The following TMEM178B variants were observed in gnomAD, a reference collection of about 807,000 sequenced individuals.
TMEM178B encodes the protein transmembrane protein 178B.
In TMEM178B, 5 loss-of-function variants were observed where a neutral mutation model predicts 31.0. That is an observed-to-expected ratio of 0.16 (90% CI 0.08 to 0.34). TMEM178B has a LOEUF of 0.34. Ranked by LOEUF, TMEM178B falls within the 10% of genes least tolerant of loss-of-function variation. The pLI, the probability that TMEM178B is intolerant of heterozygous loss-of-function variation, is 1.00. For missense variants in TMEM178B, 275 were observed against 400.3 expected, an observed-to-expected ratio of 0.69 and a Z score of 2.67; for synonymous variants, 164 against 164.0, an observed-to-expected ratio of 1.00 and a Z score of 0.00.
At chr7:141,369,316 CGTGTGTGTGTGTGTGTGTGTGTGTGT>C (rs55960871) in intron 2 of TMEM178B, among the ~76,000 whole-genome samples, 5 of 138,352 alleles carry the variant, frequency 3.6e-5, no homozygotes, top group African/African-American at 1.4e-4. Context: ...TCCGCGCCGA[CGTGTGTGTGTGTGTGTGTGTGTGTGT>C]GTGTGTGTGT....
At position 141,472,411 on chromosome 7, in the gene TMEM178B, T is replaced by A. The variant is rs1368392547; in HGVS notation, c.*1625T>A. ...AGTGTCTCGGGCTCATTTGAGCAAATTAGCACTGCAGGTGCTGGCAAGCAA... is the reference window on the plus strand; with the variant it reads ...AGTGTCTCGGGCTCATTTGAGCAAAATAGCACTGCAGGTGCTGGCAAGCAA... On this transcript the variant is annotated 3_prime_UTR_variant, in exon 4 of 4. Transcript: ENST00000565468. The A allele has an allele frequency of 6.6e-6, 1 of 152,126 alleles. No homozygotes were observed. Among genetic ancestry groups the A allele is most frequent in the Admixed American group, 6.6e-5 (1 of 15,266 alleles). The allele number at this position is 152,126 out of a possible 1,614,324, so 9.4% of individuals were successfully genotyped here. A position where few individuals can be genotyped will look rare whatever the true frequency, so the allele number is the denominator to read the frequency against.
intron 1 of TMEM178B, among the ~76,000 whole-genome samples, chr7:141,150,495 G>C (rs1292304978): frequency 2.0e-5 from 3 of 152,192 alleles, no homozygotes; most frequent in African/African-American, 7.2e-5. Flanking sequence ...CAGTTGTACT[G>C]GTCTTGGGAC....
the TMEM178B span, among the ~76,000 whole-genome samples, chr7:141,509,523 G>A: frequency 1.3e-5 from 2 of 151,800 alleles, no homozygotes; most frequent in Non-Finnish European, 2.9e-5. Flanking sequence ...GGTGGCGGGC[G>A]CCTGTAATCC....
chr7:141,089,833 G>C (rs1794850610), intron 1 of TMEM178B, among the ~76,000 whole-genome samples: 1 of 152,084 alleles, frequency 6.6e-6, no homozygotes, highest in Non-Finnish European at 1.5e-5. Context: ...ATACAGGAAG[G>C]GGAACATCAC....
chr7:141,147,326 G>A (rs1415042271), intron 1 of TMEM178B, among the ~76,000 whole-genome samples: 1 of 152,028 alleles, frequency 6.6e-6, no homozygotes, highest in Non-Finnish European at 1.5e-5. Flanking sequence ...AGGAGGTGAG[G>A]CTGGGTGGTG....
chr7:141,375,964 TG>T (rs1330901480), intron 2 of TMEM178B, among the ~76,000 whole-genome samples: 1 of 152,218 alleles, frequency 6.6e-6, no homozygotes, highest in Non-Finnish European at 1.5e-5. Context: ...GCTGGCAACC[TG>T]GGGACTAAGG....
chr7:141,300,648 G>A (rs1400279765), intron 2 of TMEM178B, among the ~76,000 whole-genome samples: 1 of 152,048 alleles, frequency 6.6e-6, no homozygotes, highest in Non-Finnish European at 1.5e-5. Flanking sequence ...TGATTTCAAA[G>A]TGTAGCTAAG....
At chr7:141,106,138 A>G (rs1481766310) in intron 1 of TMEM178B, among the ~76,000 whole-genome samples, 1 of 151,590 alleles carries the variant, frequency 6.6e-6, no homozygotes, top group African/African-American at 2.4e-5. Flanking sequence ...CAGCCAAGGC[A>G]GAATTGTGAA....
At position 141,472,009 on chromosome 7, in the gene TMEM178B, C is replaced by T. The variant is rs1802254045; in HGVS notation, c.*1223C>T. 1 of 152,226 alleles carries T rather than the reference C, an allele frequency of 6.6e-6. No individual in the cohort carries two copies. The highest frequency in any genetic ancestry group is 2.4e-5 in the African/African-American group (1 of 41,412). The allele number at this position is 152,226 out of a possible 1,614,324, so 9.4% of individuals were successfully genotyped here. A position where few individuals can be genotyped will look rare whatever the true frequency, so the allele number is the denominator to read the frequency against. ...CCTCTAATTTTGGAAGTTCAAGACA[C>T]AGCTGGGCACATAAGCCATGAGAGA... On this transcript the variant is annotated 3_prime_UTR_variant, in exon 4 of 4. Coordinates refer to ENST00000565468, the MANE Select transcript of TMEM178B (RefSeq NM_001195278.2).
chr7:141,436,015 C>T (rs1467788014), intron 2 of TMEM178B, among the ~76,000 whole-genome samples: 3 of 152,286 alleles, frequency 2.0e-5, no homozygotes, highest in Non-Finnish European at 2.9e-5. Context: ...CCCCACTCCC[C>T]GGCCAACTTC....
chr7:141,435,225 T>TA (rs1801512691), intron 2 of TMEM178B, among the ~76,000 whole-genome samples: 1 of 152,066 alleles, frequency 6.6e-6, no homozygotes, highest in African/African-American at 2.4e-5. Context: ...TCTCACCAAG[T>TA]AAAAAAATAA....
At chr7:141,097,797 T>C (rs1419922455) in intron 1 of TMEM178B, among the ~76,000 whole-genome samples, 36 of 147,126 alleles carry the variant, frequency 2.4e-4, no homozygotes, top group East Asian at 9.7e-4. Flanking sequence ...TTCTTTCTTT[T>C]TTTTTTTTTT....
chr7:141,093,663 G>A (rs561045243), intron 1 of TMEM178B, among the ~76,000 whole-genome samples: 2 of 152,350 alleles, frequency 1.3e-5, no homozygotes, highest in East Asian at 1.9e-4. Context: ...AGCTCAGGGA[G>A]ATGAGTTGGA....
chr7:141,103,164 T>A (rs1379792885), intron 1 of TMEM178B, among the ~76,000 whole-genome samples: 1 of 152,162 alleles, frequency 6.6e-6, no homozygotes, highest in Non-Finnish European at 1.5e-5. Flanking sequence ...AGGAAAAAAA[T>A]TATTGCTCCC....
At chr7:141,452,743 A>T (rs1487894237) in intron 3 of TMEM178B, among the ~76,000 whole-genome samples, 1 of 152,226 alleles carries the variant, frequency 6.6e-6, no homozygotes. Context: ...ATTAAAAAAA[A>T]TATCTAGCAG....
chr7:141,380,167 T>A (rs2116585381), intron 2 of TMEM178B, among the ~76,000 whole-genome samples: 1 of 152,274 alleles, frequency 6.6e-6, no homozygotes, highest in African/African-American at 2.4e-5. Flanking sequence ...TTGATTAAAG[T>A]CCCCACACAT....
At chr7:141,310,571 C>T (rs572186934) in intron 2 of TMEM178B, among the ~76,000 whole-genome samples, 2 of 152,240 alleles carry the variant, frequency 1.3e-5, no homozygotes, top group African/African-American at 4.8e-5. Flanking sequence ...TGCTCTCCCT[C>T]CCCTTGTCCC....
chr7:141,322,415 G>T (rs925257014), intron 2 of TMEM178B, among the ~76,000 whole-genome samples: 7 of 151,570 alleles, frequency 4.6e-5, no homozygotes, highest in Admixed American at 2.0e-4. Flanking sequence ...CCTGTAGTCA[G>T]TCCCAGCTAC....
chr7:141,094,918 T>C (rs1794933370), intron 1 of TMEM178B, among the ~76,000 whole-genome samples: 1 of 152,242 alleles, frequency 6.6e-6, no homozygotes, highest in African/African-American at 2.4e-5. Context: ...GCAGAATCAA[T>C]TTCTTTGTTA....
Sources: gnomAD v4.1 joint callset for allele counts (sites outside exome capture counted in the v4.1 genomes callset) on GRCh38, gnomAD v4.1.1 for gene constraint, MANE v1.5 for transcripts, NCBI Gene and HGNC (gene_info 2026-07-23, HGNC 2026-07-21) for gene names.